The following TRAPPC9 variants were observed in gnomAD, a reference collection of about 807,000 sequenced individuals.
TRAPPC9 encodes trafficking protein particle complex subunit 9.
TRAPPC9 carries 83 observed loss-of-function variants against 124.0 expected under a neutral mutation model. The observed-to-expected ratio is 0.67, with a 90% CI of 0.56 to 0.80. The LOEUF (loss-of-function observed/expected upper bound fraction) is 0.80. TRAPPC9 is among the 30% of genes least tolerant of loss of function. The pLI is 0.00. For missense variants in TRAPPC9, 1,302 were observed against 1,508.3 expected (o/e 0.86, Z 2.27); for synonymous variants, 638 against 617.5 (o/e 1.03, Z -0.49).
intron 4 of TRAPPC9, among the ~76,000 whole-genome samples, chr8:140,430,969 G>A (rs1011081245): frequency 7.2e-5 from 11 of 152,084 alleles, no homozygotes; most frequent in South Asian, 6.2e-4. Flanking sequence ...TAATAAGGGC[G>A]GAATTTTTAT....
At chr8:140,088,702 T>C (rs1214895776) in intron 17 of TRAPPC9, among the ~76,000 whole-genome samples, 3 of 152,258 alleles carry the variant, frequency 2.0e-5, no homozygotes, top group African/African-American at 7.2e-5. Flanking sequence ...TCACAATCTT[T>C]TTTCTTCATC....
At chr8:139,891,619 C>T (rs933652166) in intron 20 of TRAPPC9, among the ~76,000 whole-genome samples, 1 of 152,358 alleles carries the variant, frequency 6.6e-6, no homozygotes, top group Admixed American at 6.5e-5. Flanking sequence ...GTGGGATTGG[C>T]TGCACCCTGC....
intron 17 of TRAPPC9, among the ~76,000 whole-genome samples, chr8:140,068,167 G>A (rs1163383936): frequency 6.6e-6 from 1 of 152,158 alleles, no homozygotes; most frequent in African/African-American, 2.4e-5. Context: ...CGGCCCCAGT[G>A]CTATGCGTGC....
intron 19 of TRAPPC9, among the ~76,000 whole-genome samples, chr8:139,978,887 C>T (rs1187071722): frequency 2.4e-5 from 3 of 123,486 alleles, no homozygotes; most frequent in Middle Eastern, 4.3e-3. Context: ...GTCTCTGCTC[C>T]GTCCAGAGCA....
At chr8:140,341,882 A>T (rs1220972966) in intron 9 of TRAPPC9, among the ~76,000 whole-genome samples, 1 of 152,242 alleles carries the variant, frequency 6.6e-6, no homozygotes, top group Non-Finnish European at 1.5e-5. Flanking sequence ...CAAGCTAAGG[A>T]GGCGGCCTGG....
intron 19 of TRAPPC9, among the ~76,000 whole-genome samples, chr8:139,951,631 T>C (rs1834649816): frequency 1.3e-5 from 2 of 152,204 alleles, no homozygotes; most frequent in Non-Finnish European, 2.9e-5. Context: ...AAGCTGTACC[T>C]CAAGCTGCAG....
chr8:140,311,126 A>G lies in TRAPPC9; in HGVS notation c.1622+122T>C, dbSNP rs569053619. The G allele has an allele frequency of 8.3e-6, 10 of 1,198,392 alleles. No individual in the cohort carries two copies. The African/African-American group carries it at 1.1e-4, about 13-fold the overall frequency. The allele number at this position is 1,198,392 out of a possible 1,614,324, so 74.2% of individuals were successfully genotyped here. A position where few individuals can be genotyped will look rare whatever the true frequency, so the allele number is the denominator to read the frequency against. On this transcript the variant is annotated intron_variant, in intron 10 of 22. Transcript: ENST00000438773. ...GGGCTGCTTTCAAGTTTAATGAGAT[A>G]ATGAACCCGATACACAGCCAACAAA...
In TRAPPC9 at chr8:139,983,134, A is replaced by T. The variant is rs75805216; in HGVS notation, c.2810+5592T>A. On this transcript the variant is annotated intron_variant, in intron 19 of 22. Coordinates refer to ENST00000438773, the MANE Select transcript of TRAPPC9 (RefSeq NM_001160372.4). ...TTCTTTTAAATGAAGCTTGAGAAAAACCCTTTGCCCCTCCCACCATGTGAG... is the reference window on the plus strand; with the variant it reads ...TTCTTTTAAATGAAGCTTGAGAAAATCCCTTTGCCCCTCCCACCATGTGAG... Among the ~76,000 whole-genome samples, 91 of 152,164 alleles carry T rather than the reference A, an allele frequency of 6.0e-4. No homozygotes were observed. In the East Asian group the frequency reaches 0.014, roughly 24 times the overall value.
chr8:140,021,224 A>T (rs1271721147), intron 18 of TRAPPC9, among the ~76,000 whole-genome samples: 2 of 152,080 alleles, frequency 1.3e-5, no homozygotes, highest in Non-Finnish European at 2.9e-5. Flanking sequence ...GGGGTTAAGT[A>T]TTTTTAAATA....
At chr8:140,040,829 G>A (rs1841228377) in intron 17 of TRAPPC9, 1 of 152,238 alleles carries the variant, frequency 6.6e-6, no homozygotes. Flanking sequence ...TGAGCCACGG[G>A]GAGGCCCAAG....
In TRAPPC9 at chr8:139,877,941, G is replaced by A. The variant is rs116862534; in HGVS notation, c.3055+7938C>T. Among the ~76,000 whole-genome samples, 13 of 152,318 alleles carry A rather than the reference G, an allele frequency of 8.5e-5. No homozygotes were observed. In the East Asian group the frequency reaches 1.5e-3, roughly 18 times the overall value. ...CTCAGCGCTGACTCCTTGCCAGTCC[G>A]AGCCACGCAACTGCTGTCATCATCA... On this transcript the variant is annotated intron_variant, in intron 21 of 22. Transcript: ENST00000438773.
At chr8:140,347,318 G>A (rs564896904) in intron 9 of TRAPPC9, among the ~76,000 whole-genome samples, 5 of 152,276 alleles carry the variant, frequency 3.3e-5, no homozygotes, top group South Asian at 2.1e-4. Context: ...AGCAGACACC[G>A]AAACGATGCT....
At position 140,024,038 on chromosome 8, in the gene TRAPPC9, C is replaced by T. The variant is rs374422973; in HGVS notation, c.2598G>A (p.Pro866=). The change falls in exon 18 of 23, where the codon CCG becomes CCA. Residue 866 remains proline, a synonymous_variant. Transcript: ENST00000438773. ...AVLNFKYSGG[P]GHTEGYYRNL... is the part of the protein sequence containing the mutation. Reference sequence around the variant, plus strand: ...TCCTGTAATATCCTTCAGTGTGGCCCGGGCCTCCAGAGTATTTGAAATTCA... The same window carrying T: ...TCCTGTAATATCCTTCAGTGTGGCCTGGGCCTCCAGAGTATTTGAAATTCA... The T allele has an allele frequency of 4.1e-5, 66 of 1,613,832 alleles. No homozygotes were observed. The Middle Eastern group carries it at 4.9e-4, about 12-fold the overall frequency.
chr8:140,174,992 C>T (rs953961304), intron 17 of TRAPPC9, among the ~76,000 whole-genome samples: 2 of 141,536 alleles, frequency 1.4e-5, no homozygotes, highest in South Asian at 4.9e-4. Context: ...TTTTTCAATG[C>T]ACCTGGGGAT....
rs1250570601 is a variant in TRAPPC9 at position 140,198,990 on chromosome 8, G to A, written c.2556+22469C>T. ...GATGCCAGCACAGCAGGCTGAACGCGGCAACACCCGGCACAGGGCAAGCGG... is the reference window on the plus strand; with the variant it reads ...GATGCCAGCACAGCAGGCTGAACGCAGCAACACCCGGCACAGGGCAAGCGG... On this transcript the variant is annotated intron_variant, in intron 17 of 22. Coordinates refer to ENST00000438773, the MANE Select transcript of TRAPPC9 (RefSeq NM_001160372.4). Among the ~76,000 whole-genome samples the A allele has an allele frequency of 3.9e-5, 6 of 152,184 alleles. No individual in the cohort carries two copies. The East Asian group carries it at 5.8e-4, about 15-fold the overall frequency.
Position 140,157,538 on chromosome 8 carries a change from T to G in TRAPPC9, c.2556+63921A>C, listed in dbSNP as rs551684912. Among the ~76,000 whole-genome samples, 44 of 152,324 alleles carry G rather than the reference T, an allele frequency of 2.9e-4. No individual in the cohort carries two copies. In the South Asian group the frequency reaches 9.1e-3, roughly 32 times the overall value. Reference sequence around the variant, plus strand: ...AACAATGAGATTCCATGTAACACCATGAGAGATGCTAAGCAAGGGGACTGT... The same window carrying G: ...AACAATGAGATTCCATGTAACACCAGGAGAGATGCTAAGCAAGGGGACTGT... On this transcript the variant is annotated intron_variant, in intron 17 of 22. Transcript: ENST00000438773.
chr8:140,412,290 A>G (rs1010725608), intron 5 of TRAPPC9, among the ~76,000 whole-genome samples: 18 of 152,238 alleles, frequency 1.2e-4, no homozygotes, highest in African/African-American at 3.9e-4. Flanking sequence ...AACATTCCAC[A>G]AAATAAATGG....
intron 16 of TRAPPC9, among the ~76,000 whole-genome samples, chr8:140,242,407 C>T (rs941432898): frequency 2.6e-5 from 4 of 152,134 alleles, no homozygotes; most frequent in African/African-American, 7.2e-5. Context: ...TGGGGAAGAA[C>T]GGATGGAACT....
intron 9 of TRAPPC9, among the ~76,000 whole-genome samples, chr8:140,355,870 A>T (rs561825871): frequency 2.6e-5 from 4 of 152,374 alleles, no homozygotes; most frequent in African/African-American, 9.6e-5. Flanking sequence ...CTGTTATAAA[A>T]TGTCTAATTA....
Sources: gnomAD v4.1 joint callset for allele counts (sites outside exome capture counted in the v4.1 genomes callset) on GRCh38, gnomAD v4.1.1 for gene constraint, MANE v1.5 for transcripts, NCBI Gene and HGNC (gene_info 2026-07-23, HGNC 2026-07-21) for gene names.